The following PRR14L variants were observed in gnomAD, a reference collection of about 807,000 sequenced individuals.
PRR14L encodes proline rich 14 like, also known as protein PRR14L.
PRR14L carries 80 observed loss-of-function variants against 155.0 expected under a neutral mutation model. The observed-to-expected ratio is 0.52, with a 90% confidence interval of 0.43 to 0.62. The LOEUF (loss-of-function observed/expected upper bound fraction) is 0.62. Ranked by LOEUF, PRR14L falls within the 20% of genes least tolerant of loss-of-function variation. The pLI is 0.00. For synonymous variants in PRR14L, 883 were observed against 916.0 expected, an observed-to-expected ratio of 0.96 and a Z score of 0.65; for missense variants, 2,469 against 2,548.0, an observed-to-expected ratio of 0.97 and a Z score of 0.67.
At position 31,714,903 on chromosome 22, in the gene PRR14L, G is replaced by C. The variant is rs774171969; in HGVS notation, c.2936C>G (p.Pro979Arg). The change falls in exon 4 of 9, where the codon CCA becomes CGA. Residue 979 changes from proline (P) to arginine (R), a missense_variant. By Grantham distance (103) the Pro-to-Arg change is moderately radical (BLOSUM62 -2). Around this residue, in one of 2 missense-constraint regions of PRR14L, gnomAD observed 2,363 missense variants for 2,371.6 expected, o/e 1.00. Coordinates refer to ENST00000327423, the MANE Select transcript of PRR14L (RefSeq NM_173566.3). ...VLDCQSNQNR[P>R]DECKSEGQSA... ...CTGACCTTCACTTTTGCATTCATCT[G>C]GTCTGTTTTGGTTACTCTGACAGTC... 3 of 1,551,678 alleles carry C rather than the reference G, an allele frequency of 1.9e-6. No individual in the cohort carries two copies. The African/African-American group carries it at 4.1e-5, about 21-fold the overall frequency.
chr22:31,745,156 T>C (rs1338132541), intron 1 of PRR14L, among the ~76,000 whole-genome samples: 1 of 152,122 alleles, frequency 6.6e-6, no homozygotes, highest in Admixed American at 6.5e-5. Flanking sequence ...GGCAGGCGGA[T>C]CACGAGGTCA....
Position 31,712,504 on chromosome 22 carries a change from T to G in PRR14L, c.5335A>C (p.Arg1779=), listed in dbSNP as rs1463684281. 1 of 1,551,806 alleles carries G rather than the reference T, an allele frequency of 6.4e-7. No homozygotes were observed. Among genetic ancestry groups the G allele is most frequent in the East Asian group, 2.4e-5 (1 of 40,918 alleles). ...SHGCPGMATF[R]EDTGVHSQTH... Reference sequence around the variant, plus strand: ...TGACTATGGACGCCAGTGTCTTCCCTGAATGTTGCCATCCCAGGGCAACCG... The same window carrying G: ...TGACTATGGACGCCAGTGTCTTCCCGGAATGTTGCCATCCCAGGGCAACCG... The change falls in exon 4 of 9, where the codon AGG becomes CGG. Residue 1779 remains arginine (R), a synonymous_variant. Transcript: ENST00000327423.
Position 31,703,655 on chromosome 22 carries a change from C to G in PRR14L, c.5895G>C (p.Lys1965Asn), listed in dbSNP as rs1424402152. 2.7e-5 allele frequency: 43 copies of G among 1,612,892 alleles called. No individual in the cohort carries two copies. In the Admixed American group the frequency reaches 6.7e-4, roughly 25 times the overall value. ...SCLVAESAVS[K>N]LLLSASEFQV... Reference sequence around the variant, plus strand: ...GGAACTCAGAGGCTGAAAGCAGGAGCTTGCTGACAGCTGATTCTGCTACCA... The same window carrying G: ...GGAACTCAGAGGCTGAAAGCAGGAGGTTGCTGACAGCTGATTCTGCTACCA... Residue 1965 changes from lysine to asparagine, a missense_variant, in exon 6 of 9, where the codon AAG (lysine) becomes AAC (asparagine). Physicochemically the swap from Lys to Asn is moderately conservative, Grantham distance 94. Transcript: ENST00000327423.
intron 2 of PRR14L, among the ~76,000 whole-genome samples, chr22:31,738,037 A>G (rs1361957627): frequency 6.6e-6 from 1 of 152,098 alleles, no homozygotes; most frequent in East Asian, 1.9e-4. Flanking sequence ...CCTCCCTTCA[A>G]AGGTTTCTCT....
chr22:31,703,442 G>T, intron 6 of PRR14L, 108 bp downstream of exon 6: 1 of 1,043,906 alleles, frequency 9.6e-7, no homozygotes, highest in East Asian at 2.6e-5. Context: ...ACTGAAGGTG[G>T]TACGTAAAGA....
intron 8 of PRR14L, 79 bp from the exon 9 acceptor site, chr22:31,685,882 C>T: frequency 7.4e-7 from 1 of 1,346,992 alleles, no homozygotes; most frequent in Non-Finnish European, 1.0e-6. Flanking sequence ...GATGTTGACG[C>T]TGGGTCAACA....
intron 2 of PRR14L, among the ~76,000 whole-genome samples, chr22:31,732,313 A>G (rs1392535544): frequency 6.6e-6 from 1 of 152,234 alleles, no homozygotes; most frequent in East Asian, 1.9e-4. Context: ...CTGCAGGGTC[A>G]GCCTTAGCTA....
At chr22:31,740,481 G>A (rs1204192395) in intron 1 of PRR14L, among the ~76,000 whole-genome samples, 1 of 151,962 alleles carries the variant, frequency 6.6e-6, no homozygotes, top group Non-Finnish European at 1.5e-5. Flanking sequence ...GCCTTCCAAA[G>A]TGCTGGGATT....
chr22:31,708,652 T>G (rs990447557), intron 4 of PRR14L, among the ~76,000 whole-genome samples: 2 of 151,190 alleles, frequency 1.3e-5, no homozygotes, highest in African/African-American at 4.9e-5. Flanking sequence ...GCTGTTGAAA[T>G]TTTCTTGAGA....
At chr22:31,736,281 G>A (rs1222468132) in intron 2 of PRR14L, among the ~76,000 whole-genome samples, 1 of 151,174 alleles carries the variant, frequency 6.6e-6, no homozygotes, top group Non-Finnish European at 1.5e-5. Context: ...AGCTACTCGG[G>A]AGGCTGAAGC....
chr22:31,704,278 C>G (rs993542260), intron 5 of PRR14L, among the ~76,000 whole-genome samples: 2 of 152,070 alleles, frequency 1.3e-5, no homozygotes, highest in African/African-American at 4.8e-5. Flanking sequence ...TAAAAAGGAA[C>G]AGACTTTTTG....
intron 7 of PRR14L, among the ~76,000 whole-genome samples, chr22:31,697,476 A>G (rs1569497458): frequency 6.6e-6 from 1 of 152,148 alleles, no homozygotes; most frequent in Non-Finnish European, 1.5e-5. Context: ...CAAACACTAA[A>G]AATAGCTTGT....
intron 3 of PRR14L, 22 bp downstream of exon 3, chr22:31,725,516 G>A: frequency 1.3e-6 from 2 of 1,481,716 alleles, no homozygotes; most frequent in Non-Finnish European, 1.8e-6. Flanking sequence ...GATAAAGGAA[G>A]AGATTTGAGA....
At chr22:31,727,542 C>T (rs570193513) in intron 2 of PRR14L, among the ~76,000 whole-genome samples, 6 of 152,034 alleles carry the variant, frequency 3.9e-5, no homozygotes, top group Non-Finnish European at 7.4e-5. Context: ...GCTGATTAGC[C>T]ACAATTCTTA....
rs990553862 is a variant in PRR14L at position 31,715,228 on chromosome 22, T to C, written c.2611A>G (p.Lys871Glu). The C allele has an allele frequency of 9.0e-6, 14 of 1,552,250 alleles. No individual in the cohort carries two copies. The Admixed American group carries it at 2.7e-4, about 30-fold the overall frequency. The change falls in exon 4 of 9, where the codon AAG (lysine) becomes GAG (glutamate). Residue 871 changes from lysine to glutamate, a missense_variant. This residue lies in a region of PRR14L where 2,363 missense variants were observed against 2,371.6 expected (regional missense o/e 1.00). Coordinates refer to ENST00000327423, the MANE Select transcript of PRR14L (RefSeq NM_173566.3). ...KETNGSLPGD[K>E]IRNKMVAGLL... The stretch of plus-strand genomic sequence containing the variant: ...CCTGCTACCATTTTGTTTCTGATCT[T>C]ATCTCCTGGAAGGCTGCCATTCGTT...
intron 4 of PRR14L, among the ~76,000 whole-genome samples, chr22:31,705,817 T>C (rs1381170541): frequency 1.4e-5 from 2 of 146,596 alleles, no homozygotes; most frequent in Non-Finnish European, 3.0e-5. Context: ...CTGGTCAACA[T>C]GGCAAAACCC....
At chr22:31,725,262 C>A (rs1172437831) in intron 3 of PRR14L, among the ~76,000 whole-genome samples, 1 of 152,046 alleles carries the variant, frequency 6.6e-6, no homozygotes, top group Non-Finnish European at 1.5e-5. Context: ...CAAAATCAGT[C>A]AGGCATGGTG....
chr22:31,742,868 T>C (rs1016316480), intron 1 of PRR14L, among the ~76,000 whole-genome samples: 3 of 152,150 alleles, frequency 2.0e-5, no homozygotes, highest in East Asian at 3.8e-4. Flanking sequence ...AGCCCTACAA[T>C]GGAATATTAT....
chr22:31,708,869 T>C (rs1423508610), intron 4 of PRR14L, among the ~76,000 whole-genome samples: 1 of 151,648 alleles, frequency 6.6e-6, no homozygotes, highest in African/African-American at 2.4e-5. Flanking sequence ...TCTTGTTGCC[T>C]AGGCTGGAGT....
Sources: allele counts gnomAD v4.1 joint callset (sites outside exome capture counted in the v4.1 genomes callset), GRCh38; gene constraint gnomAD v4.1.1; regional missense constraint gnomAD v4.1.1; transcripts MANE v1.5; gene names NCBI Gene and HGNC (gene_info 2026-07-23, HGNC 2026-07-21).